The following ARGFX variants were observed in gnomAD, a reference collection of about 807,000 sequenced individuals.
The protein encoded by ARGFX is arginine-fifty homeobox.
In ARGFX, 10 loss-of-function variants were observed where a neutral mutation model predicts 8.0. The ratio of observed to expected loss-of-function variants is 1.25; its 90% CI spans 0.77 to 2.12. The LOEUF (loss-of-function observed/expected upper bound fraction) is 2.12. Ranked by LOEUF, ARGFX falls within the 30% of genes most tolerant of loss-of-function variation. The pLI, the probability that ARGFX is intolerant of heterozygous loss-of-function variation, is 0.00. For synonymous variants in ARGFX, 116 were observed against 117.8 expected, an observed-to-expected ratio of 0.98 and a Z score of 0.10; for missense variants, 282 against 324.3, an observed-to-expected ratio of 0.87 and a Z score of 1.00.
At position 121,588,517 on chromosome 3, in the gene ARGFX, A is replaced by T. The variant is rs2048827115; in HGVS notation, c.*1917A>T. ...AAATAAAAAATAAAAAATAAAAGAA[A>T]CATAAGATAAGTACCTCTCAATGAA... On this transcript the variant is annotated 3_prime_UTR_variant, in exon 5 of 5. Transcript: ENST00000334384. 6.6e-6 allele frequency among the ~76,000 whole-genome samples: 1 copy of T among 151,576 alleles called. No individual in the cohort carries two copies. Among genetic ancestry groups the T allele is most frequent in the Non-Finnish European group, 1.5e-5 (1 of 67,880 alleles).
rs201179558 is a variant in ARGFX at position 121,588,482 on chromosome 3, AAAAAAT to A, written c.*1888_*1893del. On this transcript the variant is annotated 3_prime_UTR_variant, in exon 5 of 5. Coordinates refer to ENST00000334384, the MANE Select transcript of ARGFX (RefSeq NM_001012659.2). ...AACAGAGCAAGACTCTGTCTCAAAA[AAAAAAT>A]AAAAAATAAAAAATAAAAAATAAAA... Among the ~76,000 whole-genome samples, 2,426 of 142,968 alleles carry A rather than the reference AAAAAAT, an allele frequency of 0.017. 62 individuals are homozygous for A. Among genetic ancestry groups the A allele is most frequent in the African/African-American group, 0.06 (2,277 of 38,036 alleles). The allele number at this position is 142,968 out of a possible 152,430, so 93.8% of individuals were successfully genotyped here.
intron 3 of ARGFX, among the ~76,000 whole-genome samples, chr3:121,581,225 G>A (rs556387435): frequency 6.6e-6 from 1 of 152,270 alleles, no homozygotes; most frequent in East Asian, 1.9e-4. Flanking sequence ...AAAGTGCTGG[G>A]ATTACAGGTG....
intron 2 of ARGFX, among the ~76,000 whole-genome samples, chr3:121,572,230 ATTG>A (rs1267332345): frequency 1.1e-5 from 1 of 93,420 alleles, no homozygotes; most frequent in African/African-American, 4.1e-5. Context: ...TTTTATTATT[ATTG>A]TTGTTTTTTT....
intron 3 of ARGFX, among the ~76,000 whole-genome samples, chr3:121,581,165 G>A (rs987347254): frequency 2.6e-5 from 4 of 151,894 alleles, no homozygotes; most frequent in Non-Finnish European, 4.4e-5. Flanking sequence ...ATGGGGTTTC[G>A]CCATGTTGGC....
rs201079029 is a variant in ARGFX, at chr3:121,586,216, T to C, written c.564T>C (p.Asn188=). The C allele has an allele frequency of 7.1e-5, 115 of 1,614,012 alleles. No individual in the cohort carries two copies. Among genetic ancestry groups the C allele is most frequent in the Admixed American group, 4.3e-4 (26 of 59,992 alleles). ...SLPSQPLDPS[N]WAWNSTFTES... Reference sequence around the variant, plus strand: ...CATCTCAGCCCTTAGACCCTTCCAATTGGGCATGGAACTCTACCTTCACTG... The same window carrying C: ...CATCTCAGCCCTTAGACCCTTCCAACTGGGCATGGAACTCTACCTTCACTG... The change falls in exon 5 of 5, where the codon AAT becomes AAC. Residue 188 remains asparagine, a synonymous_variant. Transcript: ENST00000334384.
chr3:121,583,335 T>C (rs34981496), intron 3 of ARGFX, among the ~76,000 whole-genome samples: 1 of 151,990 alleles, frequency 6.6e-6, no homozygotes. Flanking sequence ...TGGCTGATAA[T>C]TGCATTTTTA....
rs2048833708 is a variant in ARGFX, at chr3:121,589,565, C to T, written c.*2965C>T. On this transcript the variant is annotated 3_prime_UTR_variant, in exon 5 of 5. Coordinates refer to ENST00000334384, the MANE Select transcript of ARGFX (RefSeq NM_001012659.2). Reference sequence around the variant, plus strand: ...CTAATTTTTGTATTTTTAGTAGGGACAGGTTTTGCCATGTTGCCCAGGCTG... The same window carrying T: ...CTAATTTTTGTATTTTTAGTAGGGATAGGTTTTGCCATGTTGCCCAGGCTG... Among the ~76,000 whole-genome samples, 1 of 151,998 alleles carries T rather than the reference C, an allele frequency of 6.6e-6. No homozygotes were observed. Among genetic ancestry groups the T allele is most frequent in the African/African-American group, 2.4e-5 (1 of 41,376 alleles).
chr3:121,578,005 C>T (rs2048754612), intron 3 of ARGFX, among the ~76,000 whole-genome samples: 2 of 151,624 alleles, frequency 1.3e-5, no homozygotes, highest in South Asian at 2.1e-4. Flanking sequence ...AGGCTGGTCT[C>T]AAACTTCTGA....
chr3:121,586,103 T>C lies in ARGFX; in HGVS notation c.451T>C (p.Ser151Pro). ...AAAGCAACGAAACCAGATCCTTCCA[T>C]CCAAGAAGAATGTGCCCACCTCCCC... is the stretch of plus-strand genomic sequence containing the variant. ...SAKQRNQILP[S>P]KKNVPTSPRT... is the part of the protein sequence containing the mutation. Residue 151 changes from serine to proline, a missense_variant, in exon 5 of 5, where the codon TCC becomes CCC. Physicochemically the swap from Ser to Pro is moderately conservative, Grantham distance 74. Coordinates refer to ENST00000334384, the MANE Select transcript of ARGFX (RefSeq NM_001012659.2). 2 of 1,609,256 alleles carry C rather than the reference T, an allele frequency of 1.2e-6. No individual in the cohort carries two copies. The highest frequency in any genetic ancestry group is 8.5e-7 in the Non-Finnish European group (1 of 1,178,516).
At position 121,587,070 on chromosome 3, in the gene ARGFX, A is replaced by C. The variant is rs536402689; in HGVS notation, c.*470A>C. On this transcript the variant is annotated 3_prime_UTR_variant, in exon 5 of 5. Coordinates refer to ENST00000334384, the MANE Select transcript of ARGFX (RefSeq NM_001012659.2). ...ACACCTGGCTAATTTTTTTTTTTTGAGACTGAGTCTCGCACTGTCACCCAG... is the reference window on the plus strand; with the variant it reads ...ACACCTGGCTAATTTTTTTTTTTTGCGACTGAGTCTCGCACTGTCACCCAG... Among the ~76,000 whole-genome samples the C allele has an allele frequency of 6.6e-6, 1 of 150,582 alleles. No homozygotes were observed. Among genetic ancestry groups the C allele is most frequent in the Non-Finnish European group, 1.5e-5 (1 of 67,700 alleles).
chr3:121,568,346 CTTCG>C (rs755187972), intron 1 of ARGFX, among the ~76,000 whole-genome samples: 73 of 152,284 alleles, frequency 4.8e-4, no homozygotes, highest in South Asian at 1.9e-3. Context: ...TTTTTGTGTA[CTTCG>C]TTCATTGCAG....
chr3:121,569,644 G>A (rs890909381), intron 1 of ARGFX, among the ~76,000 whole-genome samples: 1 of 152,144 alleles, frequency 6.6e-6, no homozygotes, highest in South Asian at 2.1e-4. Context: ...GAGATTACAG[G>A]CGTGAGCCAC....
intron 2 of ARGFX, among the ~76,000 whole-genome samples, chr3:121,571,421 C>A (rs1287389865): frequency 6.6e-6 from 1 of 151,820 alleles, no homozygotes; most frequent in East Asian, 1.9e-4. Flanking sequence ...ACAATAGCAT[C>A]AAAAATAATT....
chr3:121,574,571 C>T (rs1275823694), intron 2 of ARGFX, among the ~76,000 whole-genome samples: 1 of 152,196 alleles, frequency 6.6e-6, no homozygotes, highest in Non-Finnish European at 1.5e-5. Context: ...CTATGAGAAT[C>T]TAATGCTACC....
At chr3:121,577,089 T>G (rs1216815851) in intron 3 of ARGFX, among the ~76,000 whole-genome samples, 189 bp downstream of exon 3, 1 of 150,594 alleles carries the variant, frequency 6.6e-6, no homozygotes, top group East Asian at 1.9e-4. Flanking sequence ...CTCTCTGAGG[T>G]TGTCATTACA....
At chr3:121,574,625 A>T (rs1239067101) in intron 2 of ARGFX, among the ~76,000 whole-genome samples, 1 of 152,208 alleles carries the variant, frequency 6.6e-6, no homozygotes, top group Non-Finnish European at 1.5e-5. Context: ...AATGTGAGCT[A>T]TGGGGAGCGA....
In ARGFX at chr3:121,576,871, C is replaced by A. The variant is rs1413710405; in HGVS notation, c.191C>A (p.Thr64Asn). 1 of 391,730 alleles carries A rather than the reference C, an allele frequency of 2.6e-6. No homozygotes were observed. 24.3% of individuals were successfully genotyped at this position (391,730 alleles called of 1,614,324 possible). ...CTCCCAGGTTCAACTGATCCTCCCACCTCAGCCTCCCGAGTAGCTGCGACT... is the reference window on the plus strand; with the variant it reads ...CTCCCAGGTTCAACTGATCCTCCCAACTCAGCCTCCCGAGTAGCTGCGACT... ...LNLPGSTDPP[T>N]SASRVAATTA... The change falls in exon 3 of 5, where the codon ACC (threonine) becomes AAC (asparagine). Residue 64 changes from threonine (T) to asparagine (N), a missense_variant. Thr to Asn is a moderately conservative substitution (Grantham distance 65). Transcript: ENST00000334384.
In ARGFX at chr3:121,576,771, T is replaced by G. The variant is rs2048741041; in HGVS notation, c.104-13T>G. ...TTTCTCTTTCTTTCTTTCCTTTTCTTTTTTTGAGACAGGTTTCACTCTGTT... is the reference window on the plus strand; with the variant it reads ...TTTCTCTTTCTTTCTTTCCTTTTCTGTTTTTGAGACAGGTTTCACTCTGTT... On this transcript the variant is annotated splice_polypyrimidine_tract_variant and intron_variant, in intron 2 of 4. Coordinates refer to ENST00000334384, the MANE Select transcript of ARGFX (RefSeq NM_001012659.2). The G allele has an allele frequency of 2.5e-6, 1 of 404,046 alleles. No homozygotes were observed. Among genetic ancestry groups the G allele is most frequent in the Non-Finnish European group, 4.9e-6 (1 of 205,234 alleles). The allele number at this position is 404,046 out of a possible 1,614,324, so 25.0% of individuals were successfully genotyped here. A position where few individuals can be genotyped will look rare whatever the true frequency, so the allele number is the denominator to read the frequency against.
chr3:121,571,153 AAAAC>A (rs761184588), intron 2 of ARGFX, among the ~76,000 whole-genome samples: 3 of 152,212 alleles, frequency 2.0e-5, no homozygotes, highest in East Asian at 3.8e-4. Flanking sequence ...AAGGAAAATG[AAAAC>A]AAACAAACAA....
Sources: gnomAD v4.1 joint callset for allele counts (sites outside exome capture counted in the v4.1 genomes callset) on GRCh38, gnomAD v4.1.1 for gene constraint, MANE v1.5 for transcripts, NCBI Gene and HGNC (gene_info 2026-07-23, HGNC 2026-07-21) for gene names.